The following NFYC variants were observed in gnomAD, a reference collection of about 807,000 sequenced individuals.
NFYC encodes nuclear transcription factor Y subunit gamma.
In NFYC, 25 loss-of-function variants were observed where a neutral mutation model predicts 53.1. The observed-to-expected ratio is 0.47, with a 90% CI of 0.34 to 0.66. NFYC has a LOEUF of 0.66. NFYC is among the 30% of genes least tolerant of loss of function. The pLI, the probability that NFYC is intolerant of heterozygous loss-of-function variation, is 0.01. For missense variants in NFYC, 260 were observed against 422.7 expected (o/e 0.62, Z 3.38); for synonymous variants, 145 against 152.6 (o/e 0.95, Z 0.37).
At chr1:40,722,134 G>T (rs1448571613) in intron 1 of NFYC, among the ~76,000 whole-genome samples, 1 of 152,054 alleles carries the variant, frequency 6.6e-6, no homozygotes, top group Non-Finnish European at 1.5e-5. Context: ...TCATGCTACT[G>T]CATTCCAGCC....
At chr1:40,751,151 A>G (rs1038383069) in intron 4 of NFYC, among the ~76,000 whole-genome samples, 1 of 152,238 alleles carries the variant, frequency 6.6e-6, no homozygotes, top group African/African-American at 2.4e-5. Context: ...ATAGGAATAT[A>G]TAAACAAATT....
intron 3 of NFYC, among the ~76,000 whole-genome samples, chr1:40,748,817 A>G (rs1202439613): frequency 6.6e-6 from 1 of 152,218 alleles, no homozygotes; most frequent in African/African-American, 2.4e-5. Flanking sequence ...GTGAGATTTG[A>G]TATAATAAGA....
chr1:40,713,803 T>C (rs1644023324), intron 1 of NFYC, among the ~76,000 whole-genome samples: 1 of 152,270 alleles, frequency 6.6e-6, no homozygotes, highest in African/African-American at 2.4e-5. Flanking sequence ...TTTTTATTTT[T>C]CATGTTTCTT....
intron 2 of NFYC, among the ~76,000 whole-genome samples, chr1:40,740,505 A>G (rs1276657621): frequency 6.6e-6 from 1 of 152,252 alleles, no homozygotes; most frequent in Non-Finnish European, 1.5e-5. Context: ...ATGTTTGTTT[A>G]TATGAAGAGT....
chr1:40,770,675 G>A lies in NFYC; in HGVS notation c.889-34G>A. 1 of 1,614,034 alleles carries A rather than the reference G, an allele frequency of 6.2e-7. No individual in the cohort carries two copies. Among genetic ancestry groups the A allele is most frequent in the African/African-American group, 1.3e-5 (1 of 74,990 alleles). On this transcript the variant is annotated intron_variant, in intron 9 of 9. Coordinates refer to ENST00000447388, the MANE Select transcript of NFYC (RefSeq NM_014223.5). This position sits in a 1 kb window ranked among gnomAD's most constrained non-coding sequence, Gnocchi z 5.3. ...GGGAGCTGCATGCCCCTCTCCCAGG[G>A]ATGACCTCACTCTCTCCTCTCCACC...
intron 8 of NFYC, 184 bp from the exon 9 acceptor site, chr1:40,769,172 A>C: frequency 1.6e-6 from 1 of 621,640 alleles, no homozygotes. Context: ...TGTGCTGCCA[A>C]CTCTTGACGT....
At chr1:40,735,486 AAGC>A in intron 1 of NFYC, 1 of 627,122 alleles carries the variant, frequency 1.6e-6, no homozygotes, top group Non-Finnish European at 2.0e-6. Context: ...CAAAATTTAA[AAGC>A]AGACTGCACA....
At chr1:40,726,241 C>T (rs1644513086) in intron 1 of NFYC, among the ~76,000 whole-genome samples, 1 of 152,006 alleles carries the variant, frequency 6.6e-6, no homozygotes, top group Admixed American at 6.6e-5. Context: ...CCCCAGCTTC[C>T]CAAGTAGCTG....
At chr1:40,736,808 G>A (rs1645046773) in intron 1 of NFYC, among the ~76,000 whole-genome samples, 1 of 110,934 alleles carries the variant, frequency 9.0e-6, no homozygotes, top group Non-Finnish European at 1.7e-5. Flanking sequence ...TAAGTATAAT[G>A]CAAACTTATT....
intron 7 of NFYC, among the ~76,000 whole-genome samples, chr1:40,764,435 G>A (rs1029290254): frequency 1.3e-5 from 2 of 152,224 alleles, no homozygotes; most frequent in Non-Finnish European, 1.5e-5. Context: ...GATTGCAGAT[G>A]ACTGAGCTCT....
At chr1:40,747,365 A>G (rs1645669312) in intron 2 of NFYC, among the ~76,000 whole-genome samples, 169 bp from the exon 3 acceptor site, 1 of 152,060 alleles carries the variant, frequency 6.6e-6, no homozygotes, top group African/African-American at 2.4e-5. Context: ...TTAAGTAAAG[A>G]AGAATTTTGC....
chr1:40,694,506 C>T (rs536421452), intron 1 of NFYC, among the ~76,000 whole-genome samples: 8 of 152,304 alleles, frequency 5.3e-5, no homozygotes, highest in Non-Finnish European at 1.0e-4. Context: ...TAGGGTTTGC[C>T]ATGTATTTTG....
At chr1:40,731,709 C>T (rs1644781532) in intron 1 of NFYC, among the ~76,000 whole-genome samples, 1 of 152,050 alleles carries the variant, frequency 6.6e-6, no homozygotes, top group East Asian at 1.9e-4. Flanking sequence ...TGGTCTCAAT[C>T]TCCTGACCTC....
chr1:40,719,647 G>A (rs1440085025), intron 1 of NFYC, among the ~76,000 whole-genome samples: 2 of 152,264 alleles, frequency 1.3e-5, no homozygotes, highest in Admixed American at 1.3e-4. Context: ...TTTTTTTGGA[G>A]TACTTTTTTC....
chr1:40,718,486 C>G (rs957530763), intron 1 of NFYC, among the ~76,000 whole-genome samples: 2 of 152,224 alleles, frequency 1.3e-5, no homozygotes, highest in African/African-American at 4.8e-5. Flanking sequence ...CATCAACTCT[C>G]ATATTATAGA....
At chr1:40,715,086 C>CAATAAAGAAATA in intron 1 of NFYC, among the ~76,000 whole-genome samples, 1 of 142,626 alleles carries the variant, frequency 7.0e-6, no homozygotes, top group East Asian at 2.1e-4. Context: ...TGTCTCAAAA[C>CAATAAAGAAATA]AATAAATAAA....
chr1:40,711,818 G>T (rs927181249), intron 1 of NFYC, among the ~76,000 whole-genome samples: 7 of 152,188 alleles, frequency 4.6e-5, no homozygotes, highest in African/African-American at 1.7e-4. Context: ...GCTTAGATGG[G>T]GTCTAGAGAT....
chr1:40,712,454 T>G (rs1018409675), intron 1 of NFYC: 1 of 152,186 alleles, frequency 6.6e-6, no homozygotes, highest in Non-Finnish European at 1.5e-5. Flanking sequence ...ATTATGAGAT[T>G]TGCATTACAA....
intron 5 of NFYC, chr1:40,754,322 T>A (rs1489246921): frequency 3.7e-6 from 2 of 534,302 alleles, no homozygotes; most frequent in Non-Finnish European, 7.7e-6. Flanking sequence ...CTTACTAGAG[T>A]AGGGTGTGCC....
Sources: allele counts gnomAD v4.1 joint callset (sites outside exome capture counted in the v4.1 genomes callset), GRCh38; gene constraint gnomAD v4.1.1; non-coding constraint Gnocchi (gnomAD v3.1); transcripts MANE v1.5; gene names NCBI Gene and HGNC (gene_info 2026-07-23, HGNC 2026-07-21).